MYO3A: variants seen among roughly 807,000 people sequenced by gnomAD.
MYO3A encodes the protein myosin IIIA, also known as myosin-IIIa.
In MYO3A, 180 loss-of-function variants were observed where a neutral mutation model predicts 192.7. That is an observed-to-expected ratio of 0.93 (90% CI 0.83 to 1.06). The LOEUF is 1.06. Among genes scored for constraint, MYO3A ranks in the 50% least tolerant of loss-of-function variants. The pLI, the probability that MYO3A is intolerant of heterozygous loss-of-function variation, is 0.00. For missense variants in MYO3A, 1,896 were observed against 1,905.0 expected (o/e 1.00, Z 0.09); for synonymous variants, 628 against 645.3 (o/e 0.97, Z 0.41).
At chr10:26,094,794 A>T (rs1836913797) in intron 15 of MYO3A, among the ~76,000 whole-genome samples, 1 of 152,232 alleles carries the variant, frequency 6.6e-6, no homozygotes. Flanking sequence ...CATAATATAC[A>T]GGGGGAGAAG....
intron 2 of MYO3A, among the ~76,000 whole-genome samples, chr10:25,940,362 G>A (rs1836405385): frequency 6.6e-6 from 1 of 151,636 alleles, no homozygotes; most frequent in South Asian, 2.1e-4. Flanking sequence ...GCTGTTACAA[G>A]TATTTGACAT....
At chr10:25,934,696 T>G (rs1835929575) in intron 1 of MYO3A, among the ~76,000 whole-genome samples, 4 of 139,462 alleles carry the variant, frequency 2.9e-5, no homozygotes, top group African/African-American at 8.3e-5. Context: ...ACGGGAAGGG[T>G]GAACCTGAGG....
rs1406934644 is a variant in MYO3A, at chr10:26,166,175, A to G, written c.3108A>G (p.Thr1036=). The change falls in exon 27 of 35, where the codon ACA becomes ACG. Residue 1036 remains threonine (T), a synonymous_variant. Coordinates refer to ENST00000642920, the MANE Select transcript of MYO3A (RefSeq NM_017433.5). ...TCGATAACTGGGCTCTTGGAAAAAC[A>G]AAAGTAATGTTTTCATGTAATTTTC... ...AGLDNWALGK[T]KVFLKYYHVE... The G allele has an allele frequency of 3.1e-6, 5 of 1,605,518 alleles. No homozygotes were observed. Among genetic ancestry groups the G allele is most frequent in the Non-Finnish European group, 4.3e-6 (5 of 1,172,478 alleles).
At chr10:26,128,248 A>G (rs773988627) in intron 19 of MYO3A, 143 bp from the exon 20 acceptor site, 2 of 777,512 alleles carry the variant, frequency 2.6e-6, no homozygotes, top group Non-Finnish European at 4.3e-6. Flanking sequence ...GAGAGAAGCT[A>G]TTTCAGTTAA....
chr10:26,056,267 T>C (rs1225398417), intron 10 of MYO3A, among the ~76,000 whole-genome samples: 1 of 151,850 alleles, frequency 6.6e-6, no homozygotes, highest in Non-Finnish European at 1.5e-5. Context: ...GATATATCAA[T>C]AGAAATGTCT....
chr10:26,147,858 A>C (rs1284259382), intron 23 of MYO3A, among the ~76,000 whole-genome samples: 3 of 152,172 alleles, frequency 2.0e-5, no homozygotes, highest in Non-Finnish European at 4.4e-5. Flanking sequence ...TACCTGGGCA[A>C]ATCAGGAGTG....
intron 24 of MYO3A, among the ~76,000 whole-genome samples, chr10:26,154,404 TC>T (rs1418805031): frequency 6.6e-6 from 1 of 152,198 alleles, no homozygotes; most frequent in Non-Finnish European, 1.5e-5. Context: ...GGTCTTGAAG[TC>T]CTGACCTCAA....
intron 18 of MYO3A, among the ~76,000 whole-genome samples, chr10:26,121,118 T>C (rs937687193): frequency 6.6e-5 from 10 of 151,652 alleles, no homozygotes; most frequent in Non-Finnish European, 1.0e-4. Flanking sequence ...AAAAGAATTA[T>C]GTTATTGTCT....
Position 26,168,248 on chromosome 10 carries a change from C to G in MYO3A, c.3112-464C>G, listed in dbSNP as rs558716067. ...ATCCCCAGCAGATACGTACCTGTAA[C>G]AGGTCTCAATAACATTAATAAACAT... On this transcript the variant is annotated intron_variant, in intron 27 of 34. Coordinates refer to ENST00000642920, the MANE Select transcript of MYO3A (RefSeq NM_017433.5). Among the ~76,000 whole-genome samples, 4 of 152,306 alleles carry G rather than the reference C, an allele frequency of 2.6e-5. No individual in the cohort carries two copies. The South Asian group carries it at 8.3e-4, about 32-fold the overall frequency.
At chr10:26,116,166 G>A (rs4517423) in intron 17 of MYO3A, among the ~76,000 whole-genome samples, 146,996 of 152,332 alleles carry the variant, frequency 0.96, 71,020 homozygotes, top group Middle Eastern at 1. Flanking sequence ...AACCACAGAA[G>A]TTTATTGTTG....
chr10:25,989,292 T>C (rs1019075611), intron 4 of MYO3A, among the ~76,000 whole-genome samples: 8 of 151,848 alleles, frequency 5.3e-5, no homozygotes, highest in African/African-American at 1.9e-4. Flanking sequence ...GCTTGCAATT[T>C]AAAAGATACA....
chr10:26,116,242 G>A (rs1432031403), intron 17 of MYO3A, among the ~76,000 whole-genome samples: 2 of 152,178 alleles, frequency 1.3e-5, no homozygotes, highest in African/African-American at 4.8e-5. Context: ...TGAGGGTTGT[G>A]AGGCAGAATC....
chr10:25,965,416 A>G (rs1838197553), intron 4 of MYO3A, among the ~76,000 whole-genome samples: 1 of 152,080 alleles, frequency 6.6e-6, no homozygotes, highest in African/African-American at 2.4e-5. Flanking sequence ...CCAAGATTCA[A>G]GACAAAGTCC....
intron 23 of MYO3A, among the ~76,000 whole-genome samples, chr10:26,152,603 TA>T (rs1217870958): frequency 1.3e-5 from 2 of 152,234 alleles, no homozygotes; most frequent in Non-Finnish European, 2.9e-5. Context: ...AGGTGAGCTA[TA>T]AAAACCAAAA....
intron 2 of MYO3A, among the ~76,000 whole-genome samples, chr10:25,945,651 G>A (rs190352144): frequency 7.2e-5 from 11 of 152,040 alleles, no homozygotes; most frequent in African/African-American, 2.2e-4. Context: ...GAAGTCTTTT[G>A]TAGATAGTAT....
chr10:25,979,082 C>G (rs1839138575), intron 4 of MYO3A, among the ~76,000 whole-genome samples: 1 of 152,176 alleles, frequency 6.6e-6, no homozygotes, highest in African/African-American at 2.4e-5. Context: ...TTTCACCTCA[C>G]ATTCTAGTGT....
At chr10:25,985,187 G>A (rs1839571663) in intron 4 of MYO3A, among the ~76,000 whole-genome samples, 1 of 146,970 alleles carries the variant, frequency 6.8e-6, no homozygotes, top group Admixed American at 6.9e-5. Context: ...GCAGTGAGCT[G>A]AGATCATGCC....
At chr10:25,948,007 G>A (rs1836967584) in intron 2 of MYO3A, among the ~76,000 whole-genome samples, 1 of 152,142 alleles carries the variant, frequency 6.6e-6, no homozygotes, top group Non-Finnish European at 1.5e-5. Flanking sequence ...CAAGGAGTTG[G>A]GAGGCAAGAT....
At chr10:26,180,511 A>G (rs2132076678) in intron 31 of MYO3A, among the ~76,000 whole-genome samples, 1 of 152,330 alleles carries the variant, frequency 6.6e-6, no homozygotes, top group East Asian at 1.9e-4. Context: ...CAGTTAATGC[A>G]ATAAGACAGC....
Sources: gnomAD v4.1 joint callset for allele counts (sites outside exome capture counted in the v4.1 genomes callset) on GRCh38, gnomAD v4.1.1 for gene constraint, MANE v1.5 for transcripts, NCBI Gene and HGNC (gene_info 2026-07-23, HGNC 2026-07-21) for gene names.